The following HACD4 variants were observed in gnomAD, a reference collection of about 807,000 sequenced individuals.
HACD4 encodes very-long-chain (3R)-3-hydroxyacyl-CoA dehydratase 4.
HACD4 carries 35 observed loss-of-function variants against 33.3 expected under a neutral mutation model. The observed-to-expected ratio is 1.05, with a 90% CI of 0.80 to 1.39. HACD4 has a LOEUF of 1.39. HACD4 is among the 40% of genes most tolerant of loss of function. The pLI is 0.00. For synonymous variants in HACD4, 118 were observed against 98.0 expected, an observed-to-expected ratio of 1.20 and a Z score of -1.21; for missense variants, 323 against 276.5, an observed-to-expected ratio of 1.17 and a Z score of -1.19.
rs1842249191 is a variant in HACD4 at position 21,005,541 on chromosome 9, G to C, written c.*1496C>G. On this transcript the variant is annotated 3_prime_UTR_variant, in exon 7 of 7. Transcript: ENST00000495827. The surrounding 1 kb of genome is among the most constrained non-coding windows in gnomAD (Gnocchi z 4.0). ...TGGACTTCTTGAATTTGGGACCATAGAGCTATTCAGCTGTGAATGTACACT... is the reference window on the plus strand; with the variant it reads ...TGGACTTCTTGAATTTGGGACCATACAGCTATTCAGCTGTGAATGTACACT... 1.3e-5 allele frequency: 2 copies of C among 152,208 alleles called. No individual in the cohort carries two copies. The allele number at this position is 152,208 out of a possible 1,614,324, so 9.4% of individuals were successfully genotyped here.
chr9:21,024,881 T>A (rs573066626), intron 3 of HACD4, among the ~76,000 whole-genome samples: 1 of 152,340 alleles, frequency 6.6e-6, no homozygotes, highest in East Asian at 1.9e-4. Context: ...GCAAAATCAT[T>A]CCAGATGATA....
chr9:21,026,656 C>T lies in HACD4; in HGVS notation c.210G>A (p.Leu70=), dbSNP rs1818068408. ...VMRLCQSVSL[L]ELLHIYVGIE... Reference sequence around the variant, plus strand: ...TGCCAACATATATGTGCAGCAGTTCCAGGAGAGATACGGATTGGCAAAGTC... The same window carrying T: ...TGCCAACATATATGTGCAGCAGTTCTAGGAGAGATACGGATTGGCAAAGTC... Residue 70 remains leucine, a synonymous_variant, in exon 3 of 7, where the codon CTG becomes CTA. Transcript: ENST00000495827. The T allele has an allele frequency of 1.2e-6, 2 of 1,613,444 alleles. No individual in the cohort carries two copies. Among genetic ancestry groups the T allele is most frequent in the Non-Finnish European group, 1.7e-6 (2 of 1,179,454 alleles).
chr9:21,009,184 T>C (rs1395900341), intron 5 of HACD4, among the ~76,000 whole-genome samples: 2 of 152,196 alleles, frequency 1.3e-5, no homozygotes, highest in Non-Finnish European at 2.9e-5. Flanking sequence ...GTAGGTTTAT[T>C]TAACTGCGCA....
In HACD4 at chr9:21,006,055, G is replaced by C. The variant is rs548649638; in HGVS notation, c.*982C>G. 6.6e-6 allele frequency: 1 copy of C among 152,326 alleles called. No homozygotes were observed. The highest frequency in any genetic ancestry group is 6.5e-5 in the Admixed American group (1 of 15,298). The allele number at this position is 152,326 out of a possible 1,614,324, so 9.4% of individuals were successfully genotyped here. ...TGGACTTTAGAGTTGATGCAGGAATGAGTTAAGACTTTTGAGGCTGTCGAG... is the reference window on the plus strand; with the variant it reads ...TGGACTTTAGAGTTGATGCAGGAATCAGTTAAGACTTTTGAGGCTGTCGAG... On this transcript the variant is annotated 3_prime_UTR_variant, in exon 7 of 7. Transcript: ENST00000495827. The surrounding 1 kb of genome is among the most constrained non-coding windows in gnomAD (Gnocchi z 4.6).
At chr9:21,026,419 T>G (rs1032361448) in intron 3 of HACD4, among the ~76,000 whole-genome samples, 177 bp downstream of exon 3, 2 of 152,260 alleles carry the variant, frequency 1.3e-5, no homozygotes, top group Admixed American at 1.3e-4. Flanking sequence ...TGTTTCCAAC[T>G]GGTTATTCTA....
chr9:21,031,098 T>C (rs1818202688), intron 1 of HACD4, among the ~76,000 whole-genome samples: 1 of 152,164 alleles, frequency 6.6e-6, no homozygotes, highest in Non-Finnish European at 1.5e-5. Flanking sequence ...ACCTGGCTTG[T>C]GGGTTAAACA....
intron 3 of HACD4, among the ~76,000 whole-genome samples, chr9:21,016,812 T>G: frequency 1.3e-5 from 2 of 150,040 alleles, no homozygotes; most frequent in African/African-American, 2.5e-5. Flanking sequence ...GGTAGGGGAG[T>G]AATATAATCC....
rs749871676 is a variant in HACD4, at chr9:21,007,016, G to A, written c.*21C>T. On this transcript the variant is annotated 3_prime_UTR_variant, in exon 7 of 7. Transcript: ENST00000495827. Reference sequence around the variant, plus strand: ...GAATCCACAGCCTGTCTTTTCTCGTGTCACACTGGAATGCTGTACTTCACA... The same window carrying A: ...GAATCCACAGCCTGTCTTTTCTCGTATCACACTGGAATGCTGTACTTCACA... 2 of 1,365,320 alleles carry A rather than the reference G, an allele frequency of 1.5e-6. No homozygotes were observed. Among genetic ancestry groups the A allele is most frequent in the East Asian group, 2.3e-5 (1 of 43,682 alleles). 84.6% of individuals were successfully genotyped at this position (1,365,320 alleles called of 1,614,324 possible).
At chr9:21,009,847 T>A (rs1842368976) in intron 5 of HACD4, among the ~76,000 whole-genome samples, 1 of 152,186 alleles carries the variant, frequency 6.6e-6, no homozygotes, top group South Asian at 2.1e-4. Context: ...TTAACAAAGA[T>A]AATGTATTTG....
Position 21,001,420 on chromosome 9 carries a change from G to C in HACD4, c.*5617C>G, listed in dbSNP as rs1488645825. On this transcript the variant is annotated 3_prime_UTR_variant, in exon 7 of 7. Coordinates refer to ENST00000495827, the MANE Select transcript of HACD4 (RefSeq NM_001010915.5). ...AAAAAAATTGGAAAAAAGTGAACAG[G>C]GTATAAGGATCTGTGGGACCCATCA... 6.6e-6 allele frequency: 1 copy of C among 151,924 alleles called. No homozygotes were observed. The highest frequency in any genetic ancestry group is 1.5e-5 in the Non-Finnish European group (1 of 67,940). The allele number at this position is 151,924 out of a possible 1,614,324, so 9.4% of individuals were successfully genotyped here. A position where few individuals can be genotyped will look rare whatever the true frequency, so the allele number is the denominator to read the frequency against.
intron 5 of HACD4, 140 bp from the exon 6 acceptor site, chr9:21,008,286 C>A (rs572978477): frequency 1.8e-5 from 13 of 712,568 alleles, no homozygotes; most frequent in Non-Finnish European, 2.8e-5. Context: ...TTTGCTAAAC[C>A]TAGTTTAATA....
chr9:21,025,917 T>A (rs1446779341), intron 3 of HACD4, among the ~76,000 whole-genome samples: 2 of 152,228 alleles, frequency 1.3e-5, no homozygotes, highest in Non-Finnish European at 2.9e-5. Context: ...GAAAATGCAG[T>A]TCAGAATGAT....
At chr9:21,023,973 G>T (rs752645679) in intron 3 of HACD4, among the ~76,000 whole-genome samples, 1 of 152,196 alleles carries the variant, frequency 6.6e-6, no homozygotes, top group Non-Finnish European at 1.5e-5. Flanking sequence ...CTTAACTACA[G>T]TTTCTTCATT....
In HACD4 at chr9:21,000,230, T is replaced by G. The variant is rs967646472; in HGVS notation, c.*6807A>C. ...TGAGATTTAAAACTCCAGCTACCCT[T>G]AGCAAAAATAAACTAGTTAGTAATT... On this transcript the variant is annotated 3_prime_UTR_variant, in exon 7 of 7. Transcript: ENST00000495827. 16 of 152,164 alleles carry G rather than the reference T, an allele frequency of 1.1e-4. No homozygotes were observed. Among genetic ancestry groups the G allele is most frequent in the Non-Finnish European group, 1.5e-5 (1 of 68,004 alleles). The allele number at this position is 152,164 out of a possible 1,614,324, so 9.4% of individuals were successfully genotyped here. A position where few individuals can be genotyped will look rare whatever the true frequency, so the allele number is the denominator to read the frequency against.
intron 3 of HACD4, among the ~76,000 whole-genome samples, chr9:21,021,043 C>G (rs1817895785): frequency 6.6e-6 from 1 of 152,166 alleles, no homozygotes; most frequent in African/African-American, 2.4e-5. Context: ...ATCAAGTTGG[C>G]TTCATCCCTG....
rs1818223938 is a variant in HACD4, at chr9:21,031,558, C to T, written c.33G>A (p.Gln11=). 6.9e-7 allele frequency: 1 copy of T among 1,457,968 alleles called. No homozygotes were observed. The highest frequency in any genetic ancestry group is 9.0e-7 in the Non-Finnish European group (1 of 1,111,776). 90.3% of individuals were successfully genotyped at this position (1,457,968 alleles called of 1,614,324 possible). A position where few individuals can be genotyped will look rare whatever the true frequency, so the allele number is the denominator to read the frequency against. MGPLALPAWL[Q]PRYRKNAYLF... is the part of the protein sequence containing the mutation. ...GATTCGGCCGAGCGCCCTACCTGGG[C>T]TGCAGCCAGGCGGGCAGCGCCAAGG... is the stretch of plus-strand genomic sequence containing the variant. The change falls in exon 1 of 7, where the codon CAG becomes CAA. Residue 11 remains glutamine, a synonymous_variant. Transcript: ENST00000495827.
At chr9:21,024,506 G>A (rs1304493154) in intron 3 of HACD4, among the ~76,000 whole-genome samples, 1 of 152,180 alleles carries the variant, frequency 6.6e-6, no homozygotes, top group Non-Finnish European at 1.5e-5. Flanking sequence ...ATTTCTATAA[G>A]CCATTAAAGT....
rs1261981101 is a variant in HACD4, at chr9:21,002,810, G to C, written c.*4227C>G. The C allele has an allele frequency of 2.0e-5, 3 of 152,092 alleles. No homozygotes were observed. The highest frequency in any genetic ancestry group is 6.5e-5 in the Admixed American group (1 of 15,270). 9.4% of individuals were successfully genotyped at this position (152,092 alleles called of 1,614,324 possible). On this transcript the variant is annotated 3_prime_UTR_variant, in exon 7 of 7. Coordinates refer to ENST00000495827, the MANE Select transcript of HACD4 (RefSeq NM_001010915.5). Reference sequence around the variant, plus strand: ...TATTTCATCTATGTTACTTAGATTTGAGAAAGTAAGCCTTTGTCTACACTG... The same window carrying C: ...TATTTCATCTATGTTACTTAGATTTCAGAAAGTAAGCCTTTGTCTACACTG...
At chr9:21,012,474 C>CA (rs1440704517) in intron 4 of HACD4, among the ~76,000 whole-genome samples, 1 of 152,132 alleles carries the variant, frequency 6.6e-6, no homozygotes, top group Non-Finnish European at 1.5e-5. Flanking sequence ...CAAAACTACC[C>CA]AAAAAACCTT....
Sources: allele counts gnomAD v4.1 joint callset (sites outside exome capture counted in the v4.1 genomes callset), GRCh38; gene constraint gnomAD v4.1.1; non-coding constraint Gnocchi (gnomAD v3.1); transcripts MANE v1.5; gene names NCBI Gene and HGNC (gene_info 2026-07-23, HGNC 2026-07-21).